The following OTOG variants were observed in gnomAD, a reference collection of about 807,000 sequenced individuals.
OTOG encodes otogelin.
Under a neutral mutation model 313.8 loss-of-function variants are expected in OTOG, and 296 were observed. That is an observed-to-expected ratio of 0.94 (90% CI 0.86 to 1.04). The LOEUF (loss-of-function observed/expected upper bound fraction) is 1.04. Ranked by LOEUF, OTOG falls within the 50% of genes least tolerant of loss-of-function variation. The pLI is 0.00. For missense variants in OTOG, 3,948 were observed against 3,840.1 expected (o/e 1.03, Z -0.74); for synonymous variants, 1,533 against 1,554.9 (o/e 0.99, Z 0.33).
chr11:17,610,591 C>T lies in OTOG; in HGVS notation c.5291C>T (p.Ala1764Val). The part of the protein sequence containing the change: ...QHTTMATRSP[A>V]LPPETPAAAS... ...ACCACCATGGCCACCAGGTCTCCAG[C>T]TCTGCCCCCAGAGACCCCAGCTGCC... is the stretch of plus-strand genomic sequence containing the variant. The change falls in exon 36 of 56, where the codon GCT becomes GTT. Residue 1764 changes from alanine to valine, a missense_variant. Physicochemically the swap from Ala to Val is moderately conservative, Grantham distance 64. Coordinates refer to ENST00000399397, the MANE Select transcript of OTOG (RefSeq NM_001292063.2). The T allele has an allele frequency of 1.3e-6, 2 of 1,550,612 alleles. No homozygotes were observed. The highest frequency in any genetic ancestry group is 2.0e-5 in the Admixed American group (1 of 51,010).
At chr11:17,641,186 C>A (rs1378883099) in intron 51 of OTOG, 95 bp downstream of exon 51, 2 of 1,338,702 alleles carry the variant, frequency 1.5e-6, no homozygotes, top group African/African-American at 1.4e-5. Context: ...TTGAAGCTGC[C>A]CTAAACCCCC....
chr11:17,634,253 G>C lies in OTOG; in HGVS notation c.7452G>C (p.Lys2484Asn). The change falls in exon 44 of 56, where the codon AAG becomes AAC. Residue 2484 changes from lysine to asparagine, a missense_variant. Lys to Asn is a moderately conservative substitution (Grantham distance 94). Coordinates refer to ENST00000399397, the MANE Select transcript of OTOG (RefSeq NM_001292063.2). The stretch of plus-strand genomic sequence containing the variant: ...AGGTGGCCTTGCTCCTACCCACCAA[G>C]GACCCCTGCTGCCTGGGGACTGTCT... ...FGEVALLLPT[K>N]DPCCLGTVCV... 1.3e-6 allele frequency: 2 copies of C among 1,550,462 alleles called. No homozygotes were observed. Among genetic ancestry groups the C allele is most frequent in the Non-Finnish European group, 1.7e-6 (2 of 1,146,930 alleles).
chr11:17,627,386 T>G (rs1007213389), intron 39 of OTOG, among the ~76,000 whole-genome samples: 12 of 152,216 alleles, frequency 7.9e-5, no homozygotes, highest in Non-Finnish European at 1.0e-4. Flanking sequence ...TCATATGGTT[T>G]TTTTGTCCTT....
At position 17,595,935 on chromosome 11, in the gene OTOG, C is replaced by G. The variant is rs987531807; in HGVS notation, c.3409-103C>G. 3.9e-6 allele frequency: 3 copies of G among 777,486 alleles called. No individual in the cohort carries two copies. The African/African-American group carries it at 5.1e-5, about 13-fold the overall frequency. 48.2% of individuals were successfully genotyped at this position (777,486 alleles called of 1,614,324 possible). ...GGAGATTTTACAAGGACCTGAATAT[C>G]AGGGGGCAAGGATCATGGCGGCCAC... is the stretch of plus-strand genomic sequence containing the variant. On this transcript the variant is annotated intron_variant, in intron 28 of 55. Transcript: ENST00000399397.
rs1853511496 is a variant in OTOG, at chr11:17,610,708, C to A, written c.5408C>A (p.Pro1803His). Residue 1803 changes from proline (P) to histidine (H), a missense_variant, in exon 36 of 56, where the codon CCT (proline) becomes CAT (histidine). Physicochemically the swap from Pro to His is moderately conservative, Grantham distance 77. Coordinates refer to ENST00000399397, the MANE Select transcript of OTOG (RefSeq NM_001292063.2). ...CCCTCCCAGCTCCTCTCTGGCCTGC[C>A]TCCCGACACCAGCCTGCCCCTGGCC... ...TRPSQLLSGL[P>H]PDTSLPLAKV... 3 of 1,550,404 alleles carry A rather than the reference C, an allele frequency of 1.9e-6. No homozygotes were observed. The African/African-American group carries it at 4.1e-5, about 21-fold the overall frequency.
intron 32 of OTOG, 59 bp from the exon 33 acceptor site, chr11:17,605,798 G>A: frequency 5.4e-6 from 8 of 1,478,266 alleles, no homozygotes; most frequent in Middle Eastern, 1.8e-4. Context: ...CCAGGATGCT[G>A]TTCCCGCAGC....
intron 15 of OTOG, 34 bp from the exon 16 acceptor site, chr11:17,569,122 C>G: frequency 3.9e-6 from 6 of 1,549,946 alleles, no homozygotes; most frequent in Non-Finnish European, 5.2e-6. Flanking sequence ...AGGGTCAGAC[C>G]AACACTGCCC....
chr11:17,583,534 G>A (rs536972929), intron 23 of OTOG, among the ~76,000 whole-genome samples: 1 of 152,192 alleles, frequency 6.6e-6, no homozygotes, highest in Non-Finnish European at 1.5e-5. Context: ...TTTTATTTTT[G>A]ATGGACATCC....
Position 17,559,053 on chromosome 11 carries a change from T to C in OTOG, c.1105T>C (p.Ser369Pro), listed in dbSNP as rs978469036. 4.5e-6 allele frequency: 7 copies of C among 1,548,096 alleles called. No homozygotes were observed. Among genetic ancestry groups the C allele is most frequent in the Admixed American group, 3.9e-5 (2 of 50,988 alleles). The change falls in exon 11 of 56, where the codon TCA (serine) becomes CCA (proline). Residue 369 changes from serine (S) to proline (P), a missense_variant and splice_region_variant. Ser to Pro is a moderately conservative substitution (Grantham distance 74, BLOSUM62 -1). Coordinates refer to ENST00000399397, the MANE Select transcript of OTOG (RefSeq NM_001292063.2). ...TASCTSDLCQ[S>P]MGDVATWCRA... ...GTGACCCTTGGTTTCTCTGCACAGATCAATGGGTGATGTAGCCACCTGGTG... is the reference window on the plus strand; with the variant it reads ...GTGACCCTTGGTTTCTCTGCACAGACCAATGGGTGATGTAGCCACCTGGTG...
At chr11:17,592,373 A>G (rs1025276928) in intron 25 of OTOG, among the ~76,000 whole-genome samples, 1 of 152,254 alleles carries the variant, frequency 6.6e-6, no homozygotes, top group African/African-American at 2.4e-5. Flanking sequence ...TAATTGCAGT[A>G]ACTCTACAAG....
chr11:17,624,497 G>C (rs1008439503), intron 39 of OTOG, among the ~76,000 whole-genome samples: 1 of 152,080 alleles, frequency 6.6e-6, no homozygotes, highest in African/African-American at 2.4e-5. Context: ...TCTGTATTCT[G>C]TTCCATTGGT....
chr11:17,607,842 G>A (rs1853426263), intron 33 of OTOG, among the ~76,000 whole-genome samples: 1 of 152,186 alleles, frequency 6.6e-6, no homozygotes, highest in Non-Finnish European at 1.5e-5. Context: ...CTCCATGGAG[G>A]TCTGCAATAG....
intron 42 of OTOG, among the ~76,000 whole-genome samples, chr11:17,632,958 T>A (rs1854165897): frequency 6.6e-6 from 1 of 152,242 alleles, no homozygotes; most frequent in Admixed American, 6.5e-5. Context: ...ACCAGCATTT[T>A]AAAAAATACA....
intron 33 of OTOG, among the ~76,000 whole-genome samples, chr11:17,607,556 G>A (rs1029513775): frequency 1.3e-5 from 2 of 152,360 alleles, no homozygotes; most frequent in African/African-American, 4.8e-5. Flanking sequence ...TTCCTAGGAC[G>A]ATGATGAGGT....
chr11:17,614,262 A>C (rs1222732826), intron 39 of OTOG, among the ~76,000 whole-genome samples: 4 of 151,978 alleles, frequency 2.6e-5, no homozygotes, highest in African/African-American at 9.7e-5. Flanking sequence ...GTCTGCCCCC[A>C]ATTCCTGAGC....
chr11:17,600,372 G>T (rs1853219220), intron 31 of OTOG, among the ~76,000 whole-genome samples: 1 of 152,210 alleles, frequency 6.6e-6, no homozygotes, highest in African/African-American at 2.4e-5. Context: ...CCTTGGTAGA[G>T]TGAGATGCTC....
At chr11:17,578,346 C>G (rs977380666) in intron 22 of OTOG, 27 bp from the exon 23 acceptor site, 2 of 1,468,664 alleles carry the variant, frequency 1.4e-6, no homozygotes, top group African/African-American at 2.8e-5. Context: ...GCCCCAGGGC[C>G]TCCGCTCCCA....
At chr11:17,630,464 G>A (rs1276282031) in intron 40 of OTOG, among the ~76,000 whole-genome samples, 1 of 152,194 alleles carries the variant, frequency 6.6e-6, no homozygotes, top group Non-Finnish European at 1.5e-5. Context: ...ATTAATAAGA[G>A]TTTGCCTTTA....
chr11:17,574,577 T>G (rs1342013999), intron 19 of OTOG, 143 bp from the exon 20 acceptor site: 1 of 822,236 alleles, frequency 1.2e-6, no homozygotes. Context: ...AAATCCTGCC[T>G]CTGACCTTGA....
Sources: allele counts gnomAD v4.1 joint callset (sites outside exome capture counted in the v4.1 genomes callset), GRCh38; gene constraint gnomAD v4.1.1; transcripts MANE v1.5; gene names NCBI Gene and HGNC (gene_info 2026-07-23, HGNC 2026-07-21).